Variants in PCNT observed in about 807,000 individuals in gnomAD.
The protein encoded by PCNT is pericentrin, also known as kendrin.
A neutral mutation model predicts 380.4 loss-of-function variants in PCNT; 319 were observed. That is an observed-to-expected ratio of 0.84 (90% CI 0.77 to 0.92). The LOEUF (loss-of-function observed/expected upper bound fraction) is 0.92. Ranked by LOEUF, PCNT falls within the 40% of genes least tolerant of loss-of-function variation. PCNT has a pLI of 0.00. For synonymous variants in PCNT, 1,845 were observed against 1,735.2 expected (o/e 1.06, Z -1.57); for missense variants, 4,400 against 4,255.3 (o/e 1.03, Z -0.95).
At position 46,334,567 on chromosome 21, in the gene PCNT, C is replaced by G. The variant is rs1002843170; in HGVS notation, c.438C>G (p.Phe146Leu). The G allele has an allele frequency of 6.4e-7, 1 of 1,573,696 alleles. No homozygotes were observed. The highest frequency in any genetic ancestry group is 2.2e-5 in the East Asian group (1 of 44,820). The change falls in exon 3 of 47, where the codon TTC (phenylalanine) becomes TTG (leucine). Residue 146 changes from phenylalanine (F) to leucine (L), a missense_variant. Coordinates refer to ENST00000359568, the MANE Select transcript of PCNT (RefSeq NM_006031.6). ...GDHPPEQRGM[F>L]TVSDHPPEQH... ...ACCCACCAGAACAGCGTGGGATGTT[C>G]ACAGTCAGTGACCACCCACCAGAAC...
chr21:46,369,361 A>C (rs1257538167), intron 15 of PCNT, among the ~76,000 whole-genome samples: 1 of 152,232 alleles, frequency 6.6e-6, no homozygotes, highest in East Asian at 1.9e-4. Flanking sequence ...GGCATGAGCC[A>C]CTGCTCCCAG....
At chr21:46,326,317 G>A in intron 1 of PCNT, 60 bp from the exon 2 acceptor site, 1 of 1,532,064 alleles carries the variant, frequency 6.5e-7, no homozygotes, top group Non-Finnish European at 9.0e-7. Context: ...TGACTTTGTG[G>A]TTCTGTTATT....
chr21:46,370,984 G>A (rs142264717), intron 15 of PCNT, among the ~76,000 whole-genome samples: 1,775 of 152,268 alleles, frequency 0.012, 17 homozygotes, highest in Middle Eastern at 0.02. Flanking sequence ...GTGGTGAGCT[G>A]AGATCGCGCC....
At position 46,441,014 on chromosome 21, in the gene PCNT, G is replaced by A. The variant is rs375163327; in HGVS notation, c.9553G>A (p.Glu3185Lys). The change falls in exon 43 of 47, where the codon GAA becomes AAA. Residue 3185 changes from glutamate (E) to lysine (K), a missense_variant. Coordinates refer to ENST00000359568, the MANE Select transcript of PCNT (RefSeq NM_006031.6). ...TTTGGGGGTATTTCCTTCCAAAGCA[G>A]AACGGAAAATCACATCTCGTCCTTT... ...AHLGVFPSKA[E>K]RKITSRPFTR... The A allele has an allele frequency of 6.1e-5, 98 of 1,614,076 alleles. No homozygotes were observed. The highest frequency in any genetic ancestry group is 1.6e-4 in the Middle Eastern group (1 of 6,084).
Position 46,366,743 on chromosome 21 carries a change from C to G in PCNT, c.2769C>G (p.His923Gln). 6.2e-7 allele frequency: 1 copy of G among 1,613,602 alleles called. No individual in the cohort carries two copies. The highest frequency in any genetic ancestry group is 1.3e-5 in the African/African-American group (1 of 75,072). Residue 923 changes from histidine to glutamine, a missense_variant, in exon 15 of 47, where the codon CAC becomes CAG. Physicochemically the swap from His to Gln is conservative, Grantham distance 24. Transcript: ENST00000359568. Reference sequence around the variant, plus strand: ...TGACGGCGGAGCTCGAGGCCAGACACCAGGCCGCGTTGGGCGAGCTGACAG... The same window carrying G: ...TGACGGCGGAGCTCGAGGCCAGACAGCAGGCCGCGTTGGGCGAGCTGACAG... ...LSVTAELEAR[H>Q]QAALGELTAS...
intron 27 of PCNT, among the ~76,000 whole-genome samples, chr21:46,409,736 A>G (rs2086725546): frequency 6.6e-6 from 1 of 152,136 alleles, no homozygotes; most frequent in Non-Finnish European, 1.5e-5. Flanking sequence ...AGTAGGTGGA[A>G]CTACAGGTGC....
chr21:46,363,987 G>T, intron 14 of PCNT, 53 bp downstream of exon 14: 2 of 1,536,700 alleles, frequency 1.3e-6, no homozygotes, highest in South Asian at 2.2e-5. Context: ...ACACCTTGGA[G>T]GGTAGAAGGT....
rs145379994 is a variant in PCNT, at chr21:46,445,666, TTTTG to T, written c.*343_*346del. The T allele has an allele frequency of 6.7e-3, 2,068 of 308,318 alleles. 46 individuals carry two copies. The highest frequency in any genetic ancestry group is 0.04 in the African/African-American group (1,907 of 47,270). The allele number at this position is 308,318 out of a possible 1,614,324, so 19.1% of individuals were successfully genotyped here. ...ATACACAGAGAATGGCTTCCTGTTG[TTTTG>T]TTTATTTTCTTAACGTGTACAGATG... On this transcript the variant is annotated 3_prime_UTR_variant, in exon 47 of 47. Coordinates refer to ENST00000359568, the MANE Select transcript of PCNT (RefSeq NM_006031.6).
intron 15 of PCNT, among the ~76,000 whole-genome samples, chr21:46,377,430 C>A (rs1318926048): frequency 1.3e-5 from 2 of 152,244 alleles, no homozygotes; most frequent in African/African-American, 4.8e-5. Context: ...AAAATAATTT[C>A]ATTGTCTTAA....
At chr21:46,399,911 G>A (rs2086364483) in intron 25 of PCNT, 115 bp downstream of exon 25, 21 of 862,122 alleles carry the variant, frequency 2.4e-5, no homozygotes, top group East Asian at 7.2e-5. Context: ...CAGCCACCAC[G>A]TCTGCACCAG....
intron 2 of PCNT, among the ~76,000 whole-genome samples, chr21:46,329,010 G>A (rs910524497): frequency 6.6e-6 from 1 of 151,910 alleles, no homozygotes; most frequent in African/African-American, 2.4e-5. Context: ...TCCTGACCTC[G>A]TGATCCACCT....
At chr21:46,431,385 G>A in intron 37 of PCNT, 144 bp from the exon 38 acceptor site, 1 of 1,484,224 alleles carries the variant, frequency 6.7e-7, no homozygotes, top group Non-Finnish European at 8.9e-7. Flanking sequence ...ACAAAAAAAT[G>A]TTGTCCCTAC....
chr21:46,389,862 CACTTCAGCCT>C (rs1483252887), intron 19 of PCNT, among the ~76,000 whole-genome samples: 1 of 152,208 alleles, frequency 6.6e-6, no homozygotes, highest in Admixed American at 6.5e-5. Context: ...GTAGGAGGTT[CACTTCAGCCT>C]ACTTCAGCCC....
At chr21:46,433,038 G>A (rs565936488) in intron 38 of PCNT, among the ~76,000 whole-genome samples, 3 of 152,090 alleles carry the variant, frequency 2.0e-5, no homozygotes, top group South Asian at 4.2e-4. Flanking sequence ...GTCTCATTCC[G>A]TCACTCAGGC....
chr21:46,431,345 A>G (rs545978474), intron 37 of PCNT, 184 bp from the exon 38 acceptor site: 42 of 1,452,166 alleles, frequency 2.9e-5, no homozygotes, highest in Non-Finnish European at 3.6e-5. Flanking sequence ...TCATCTCCGC[A>G]GTCTGGGTTT....
intron 15 of PCNT, among the ~76,000 whole-genome samples, chr21:46,368,479 C>T (rs1332708136): frequency 6.6e-6 from 1 of 151,884 alleles, no homozygotes; most frequent in Non-Finnish European, 1.5e-5. Flanking sequence ...GTTCATTTGA[C>T]AGGCACTTCC....
At chr21:46,369,911 A>G (rs1175278357) in intron 15 of PCNT, among the ~76,000 whole-genome samples, 2 of 152,196 alleles carry the variant, frequency 1.3e-5, no homozygotes, top group Non-Finnish European at 2.9e-5. Context: ...TACGCTGCCA[A>G]GATGCAGGAG....
At chr21:46,445,183 T>A in intron 46 of PCNT, 101 bp from the exon 47 acceptor site, 1 of 848,756 alleles carries the variant, frequency 1.2e-6, no homozygotes, top group East Asian at 2.4e-5. Flanking sequence ...TACCAAAATT[T>A]ACATGAATTC....
In PCNT at chr21:46,369,765, A is replaced by G. The variant is rs375104493; in HGVS notation, c.3165+2626A>G. Among the ~76,000 whole-genome samples the G allele has an allele frequency of 1.2e-4, 19 of 152,288 alleles. 1 individual carries two copies. The South Asian group carries it at 3.9e-3, about 32-fold the overall frequency. ...GCACATCTGGATGTTTCCTGGACGG[A>G]AGGAGCTGGTCGCAGCCCTGTGCAA... On this transcript the variant is annotated intron_variant, in intron 15 of 46. Transcript: ENST00000359568.
Sources: allele counts gnomAD v4.1 joint callset (sites outside exome capture counted in the v4.1 genomes callset), GRCh38; gene constraint gnomAD v4.1.1; transcripts MANE v1.5; gene names NCBI Gene and HGNC (gene_info 2026-07-23, HGNC 2026-07-21).